RPP30: variants seen among roughly 807,000 people sequenced by gnomAD.
The protein encoded by RPP30 is ribonuclease P protein subunit p30.
Under a neutral mutation model 38.6 loss-of-function variants are expected in RPP30, and 36 were observed. The ratio of observed to expected loss-of-function variants is 0.93; its 90% CI spans 0.71 to 1.23. The LOEUF (loss-of-function observed/expected upper bound fraction) is 1.23. Among genes scored for constraint, RPP30 ranks in the 50% most tolerant of loss-of-function variants. The pLI, the probability that RPP30 is intolerant of heterozygous loss-of-function variation, is 0.00. For synonymous variants in RPP30, 126 were observed against 112.7 expected, an observed-to-expected ratio of 1.12 and a Z score of -0.75; for missense variants, 321 against 321.7, an observed-to-expected ratio of 1.00 and a Z score of 0.02.
chr10:90,895,160 A>G, intron 7 of RPP30: 1 of 546,738 alleles, frequency 1.8e-6, no homozygotes, highest in Non-Finnish European at 3.3e-6. Context: ...GTCTAGAATA[A>G]CAATGGTCCT....
At chr10:90,873,886 A>G (rs544773476) in intron 1 of RPP30, among the ~76,000 whole-genome samples, 1 of 152,228 alleles carries the variant, frequency 6.6e-6, no homozygotes, top group Admixed American at 6.5e-5. Context: ...TCACTGTGCT[A>G]TGTACTTCCA....
chr10:90,875,197 G>T (rs1211236717), intron 2 of RPP30, among the ~76,000 whole-genome samples: 1 of 152,040 alleles, frequency 6.6e-6, no homozygotes, highest in Non-Finnish European at 1.5e-5. Flanking sequence ...TTATTGGCTG[G>T]ACTGTAATCA....
chr10:90,885,156 A>G (rs1381902884), intron 5 of RPP30, among the ~76,000 whole-genome samples: 1 of 152,242 alleles, frequency 6.6e-6, no homozygotes, highest in Admixed American at 6.5e-5. Context: ...AATGCAGAGT[A>G]TTACTCAACA....
At position 90,901,479 on chromosome 10, in the gene RPP30, T is replaced by C. The variant is rs1847201939; in HGVS notation, c.*800T>C. On this transcript the variant is annotated 3_prime_UTR_variant, in exon 11 of 11. Transcript: ENST00000371703. ...TTTGTGGAAGGAGAGAGGATACACA[T>C]GTAAAATTACATCTGGTCTCTTCCT... is the stretch of plus-strand genomic sequence containing the variant. The C allele has an allele frequency of 1.0e-6, 1 of 984,812 alleles. No individual in the cohort carries two copies. The highest frequency in any genetic ancestry group is 4.7e-5 in the South Asian group (1 of 21,286). 61.0% of individuals were successfully genotyped at this position (984,812 alleles called of 1,614,324 possible).
At chr10:90,882,547 C>T (rs1256090813) in intron 5 of RPP30, among the ~76,000 whole-genome samples, 3 of 152,116 alleles carry the variant, frequency 2.0e-5, no homozygotes, top group Admixed American at 6.5e-5. Context: ...CCTGTAGTCC[C>T]AGCTACTCAG....
At chr10:90,873,798 C>T (rs896297382) in intron 1 of RPP30, among the ~76,000 whole-genome samples, 1 of 152,000 alleles carries the variant, frequency 6.6e-6, no homozygotes, top group African/African-American at 2.4e-5. Flanking sequence ...GCCCAAGGTA[C>T]AGGCATACTT....
At position 90,872,054 on chromosome 10, in the gene RPP30, A is replaced by C. The variant is rs768158391; in HGVS notation, c.68A>C (p.Glu23Ala). 1.2e-6 allele frequency: 2 copies of C among 1,613,984 alleles called. No homozygotes were observed. The highest frequency in any genetic ancestry group is 1.3e-5 in the African/African-American group (1 of 74,996). ...SDLKALRGLV[E>A]TAAHLGYSVV... ...CTGAAGGCTCTGCGCGGACTTGTGG[A>C]GACAGCCGCTCACCGTGAGTTGCCC... is the stretch of plus-strand genomic sequence containing the variant. Residue 23 changes from glutamate to alanine, a missense_variant, in exon 1 of 11, where the codon GAG becomes GCG. By Grantham distance (107) the Glu-to-Ala change is moderately radical. Transcript: ENST00000371703.
downstream of RPP30, among the ~76,000 whole-genome samples, chr10:90,907,203 G>A (rs1847262928): frequency 6.6e-6 from 1 of 152,200 alleles, no homozygotes; most frequent in Admixed American, 6.5e-5. Context: ...ACACGTTGAA[G>A]TTATGCCACA....
chr10:90,872,563 G>T (rs1165040490), intron 1 of RPP30, among the ~76,000 whole-genome samples: 1 of 152,112 alleles, frequency 6.6e-6, no homozygotes, highest in Admixed American at 6.5e-5. Context: ...GACATACACA[G>T]CGGAGTGGAG....
In RPP30 at chr10:90,900,626, G is replaced by C; in HGVS notation, c.754G>C (p.Glu252Gln). ...ISTVKKPRPS[E>Q]GDEDCLPASK... Reference sequence around the variant, plus strand: ...TACAGTGAAGAAACCTCGGCCATCAGAAGGAGATGAAGATTGTCTTCCAGC... The same window carrying C: ...TACAGTGAAGAAACCTCGGCCATCACAAGGAGATGAAGATTGTCTTCCAGC... Residue 252 changes from glutamate to glutamine, a missense_variant, in exon 11 of 11, where the codon GAA (glutamate) becomes CAA (glutamine). Coordinates refer to ENST00000371703, the MANE Select transcript of RPP30 (RefSeq NM_006413.5). 2 of 1,613,780 alleles carry C rather than the reference G, an allele frequency of 1.2e-6. No homozygotes were observed. Among genetic ancestry groups the C allele is most frequent in the South Asian group, 2.2e-5 (2 of 90,946 alleles).
At chr10:90,908,556 A>C (rs1485419001), downstream of RPP30, 1 of 152,050 alleles carries the variant, frequency 6.6e-6, no homozygotes, top group Non-Finnish European at 1.5e-5. Flanking sequence ...CATTATTATT[A>C]TATGTGTTTT....
intron 5 of RPP30, among the ~76,000 whole-genome samples, chr10:90,879,361 A>T (rs1215391697): frequency 1.3e-5 from 2 of 152,134 alleles, no homozygotes; most frequent in Admixed American, 1.3e-4. Context: ...CTCAGTTTGA[A>T]AGAGCCCGTT....
chr10:90,886,251 G>A (rs993060709), intron 6 of RPP30, among the ~76,000 whole-genome samples: 2 of 152,108 alleles, frequency 1.3e-5, no homozygotes, highest in Non-Finnish European at 2.9e-5. Context: ...AAAATAAAAA[G>A]CAGAGGATCC....
intron 1 of RPP30, among the ~76,000 whole-genome samples, chr10:90,872,919 G>A (rs1015705060): frequency 6.6e-6 from 1 of 152,154 alleles, no homozygotes; most frequent in African/African-American, 2.4e-5. Flanking sequence ...CTAAATGAAC[G>A]TTATCTCTGT....
intron 5 of RPP30, among the ~76,000 whole-genome samples, chr10:90,883,218 C>T (rs1335919476): frequency 7.1e-6 from 1 of 141,030 alleles, no homozygotes; most frequent in Non-Finnish European, 1.5e-5. Flanking sequence ...GCCATAGAGG[C>T]AAAGATGTGT....
At chr10:90,877,699 A>G (rs533569922) in intron 4 of RPP30, among the ~76,000 whole-genome samples, 1 of 152,282 alleles carries the variant, frequency 6.6e-6, no homozygotes, top group East Asian at 1.9e-4. Context: ...AATTGATATA[A>G]TAGGGATGTG....
rs753622009 is a variant in RPP30 at position 90,885,944 on chromosome 10, C to A, written c.432+43C>A. 7.2e-6 allele frequency: 9 copies of A among 1,247,370 alleles called. No individual in the cohort carries two copies. The East Asian group carries it at 2.2e-4, about 30-fold the overall frequency. The allele number at this position is 1,247,370 out of a possible 1,614,324, so 77.3% of individuals were successfully genotyped here. A position where few individuals can be genotyped will look rare whatever the true frequency, so the allele number is the denominator to read the frequency against. ...TCTGTATTTGAATCTTAGAAACTTACATTAGCAAATTGGAAAAGAAGCAGA... is the reference window on the plus strand; with the variant it reads ...TCTGTATTTGAATCTTAGAAACTTAAATTAGCAAATTGGAAAAGAAGCAGA... On this transcript the variant is annotated intron_variant, in intron 6 of 10. Coordinates refer to ENST00000371703, the MANE Select transcript of RPP30 (RefSeq NM_006413.5).
chr10:90,882,362 A>T (rs1302015224), intron 5 of RPP30, among the ~76,000 whole-genome samples: 1 of 152,212 alleles, frequency 6.6e-6, no homozygotes, highest in Non-Finnish European at 1.5e-5. Flanking sequence ...CACACAAAAC[A>T]GATCTTAAGA....
At chr10:90,896,216 C>T (rs890580296) in intron 9 of RPP30, 97 bp from the exon 10 acceptor site, 5 of 1,047,618 alleles carry the variant, frequency 4.8e-6, no homozygotes, top group Non-Finnish European at 5.9e-6. Context: ...TAATTAGCCT[C>T]TCAAGATGAC....
Sources: gnomAD v4.1 joint callset for allele counts (sites outside exome capture counted in the v4.1 genomes callset) on GRCh38, gnomAD v4.1.1 for gene constraint, MANE v1.5 for transcripts, NCBI Gene and HGNC (gene_info 2026-07-23, HGNC 2026-07-21) for gene names.